ADD2: variants seen among roughly 807,000 people sequenced by gnomAD.
ADD2 encodes adducin 2.
ADD2 carries 23 observed loss-of-function variants against 83.0 expected under a neutral mutation model. The observed-to-expected ratio is 0.28, with a 90% CI of 0.20 to 0.39. ADD2 has a LOEUF of 0.39. Ranked by LOEUF, ADD2 falls within the 10% of genes least tolerant of loss-of-function variation. The probability of loss-of-function intolerance (pLI) is 1.00; values close to 1 mark genes in which losing one functional copy is unlikely to be tolerated. For synonymous variants in ADD2, 375 were observed against 375.4 expected (o/e 1.00, Z 0.01); for missense variants, 758 against 944.9 (o/e 0.80, Z 2.59).
chr2:70,745,803 G>C (rs1238250096), intron 1 of ADD2, among the ~76,000 whole-genome samples: 2 of 152,134 alleles, frequency 1.3e-5, no homozygotes, highest in East Asian at 3.9e-4. Context: ...GGTATCCAAG[G>C]ACAACAAAAG....
At chr2:70,762,597 T>C (rs1675172874) in intron 1 of ADD2, among the ~76,000 whole-genome samples, 1 of 149,794 alleles carries the variant, frequency 6.7e-6, no homozygotes, top group South Asian at 2.1e-4. Context: ...TTTATATATA[T>C]AATTACATAA....
At chr2:70,675,523 T>C in intron 13 of ADD2, 1 of 985,468 alleles carries the variant, frequency 1.0e-6, no homozygotes, top group East Asian at 1.1e-4. Context: ...GCTTCAGGAA[T>C]TCTTTGACCC....
At chr2:70,712,971 C>A (rs955080805) in intron 2 of ADD2, 95 bp downstream of exon 2, 7 of 347,822 alleles carry the variant, frequency 2.0e-5, no homozygotes, top group African/African-American at 1.6e-4. Flanking sequence ...GGAAGCTCAT[C>A]CTCATGCAAA....
At chr2:70,685,407 TC>T (rs1236515848) in intron 9 of ADD2, among the ~76,000 whole-genome samples, 2 of 152,086 alleles carry the variant, frequency 1.3e-5, no homozygotes, top group Non-Finnish European at 2.9e-5. Context: ...TCTACGCCCT[TC>T]TCGTCCAAGC....
chr2:70,757,681 C>T (rs1006190010), intron 1 of ADD2, among the ~76,000 whole-genome samples: 16 of 152,148 alleles, frequency 1.1e-4, no homozygotes, highest in African/African-American at 3.6e-4. Context: ...GAATCAAACC[C>T]GCCCTCACTT....
intron 1 of ADD2, among the ~76,000 whole-genome samples, chr2:70,742,205 A>T (rs1276090413): frequency 6.6e-6 from 1 of 152,246 alleles, no homozygotes; most frequent in Non-Finnish European, 1.5e-5. Flanking sequence ...TGCAGATTTA[A>T]GAACTACCCA....
chr2:70,683,480 C>A, intron 10 of ADD2, 111 bp downstream of exon 10: 1 of 1,186,372 alleles, frequency 8.4e-7, no homozygotes, highest in Non-Finnish European at 1.2e-6. Flanking sequence ...GCTTCAACAA[C>A]CTAGTTGTGA....
At chr2:70,717,775 G>A (rs1469829647) in intron 1 of ADD2, 1 of 152,302 alleles carries the variant, frequency 6.6e-6, no homozygotes, top group Non-Finnish European at 1.5e-5. Context: ...AGTTGAATAA[G>A]GGACTGGACC....
intron 1 of ADD2, among the ~76,000 whole-genome samples, chr2:70,715,969 T>G (rs1006195654): frequency 3.9e-5 from 6 of 152,232 alleles, no homozygotes; most frequent in Non-Finnish European, 8.8e-5. Flanking sequence ...GGCCCATGCC[T>G]GTCACTGCCC....
intron 1 of ADD2, among the ~76,000 whole-genome samples, chr2:70,735,242 G>T (rs1553379892): frequency 6.6e-6 from 1 of 152,022 alleles, no homozygotes; most frequent in Middle Eastern, 3.2e-3. Context: ...AGTGCCCTCT[G>T]AATGAAACCC....
At chr2:70,746,238 C>T (rs975122085) in intron 1 of ADD2, among the ~76,000 whole-genome samples, 8 of 152,176 alleles carry the variant, frequency 5.3e-5, no homozygotes, top group Non-Finnish European at 8.8e-5. Context: ...AATTAATAGG[C>T]CTCTTCTATG....
chr2:70,718,489 C>A (rs1672579909), intron 1 of ADD2, among the ~76,000 whole-genome samples: 3 of 152,172 alleles, frequency 2.0e-5, no homozygotes, highest in Non-Finnish European at 4.4e-5. Flanking sequence ...CTACAGGGCC[C>A]CAACAATGAA....
In ADD2 at chr2:70,663,699, G is replaced by C. The variant is rs782521167; in HGVS notation, c.1907C>G (p.Thr636Ser). The C allele has an allele frequency of 6.2e-7, 1 of 1,614,110 alleles. No individual in the cohort carries two copies. The highest frequency in any genetic ancestry group is 1.7e-5 in the Admixed American group (1 of 60,022). Residue 636 changes from threonine (T) to serine (S), a missense_variant, in exon 16 of 16, where the codon ACC becomes AGC. By Grantham distance (58) the Thr-to-Ser change is moderately conservative. Transcript: ENST00000264436. ...TKKTETSKAA[T>S]TEPETTQPEG... ...CGGCTGGGTTGTTTCGGGCTCTGTG[G>C]TGGCGGCTTTGCTTGTTTCTGTCTT...
At chr2:70,726,516 G>A (rs1673010681) in intron 1 of ADD2, among the ~76,000 whole-genome samples, 1 of 152,100 alleles carries the variant, frequency 6.6e-6, no homozygotes, top group African/African-American at 2.4e-5. Context: ...CTTTTTGCTA[G>A]GGGTGAGAAA....
At chr2:70,710,210 C>T (rs1249454910) in intron 2 of ADD2, among the ~76,000 whole-genome samples, 2 of 152,342 alleles carry the variant, frequency 1.3e-5, no homozygotes, top group East Asian at 3.9e-4. Flanking sequence ...GGACTCCAGG[C>T]TCTAAGCCAA....
Position 70,658,339 on chromosome 2 carries a change from C to T in ADD2, c.*5086G>A, listed in dbSNP as rs1191186094. ...CTCATTTATGACAGAAAGTGTGCCA[C>T]ATCTGAATAGGTTGGTTAGACGGGG... On this transcript the variant is annotated 3_prime_UTR_variant, in exon 16 of 16. Coordinates refer to ENST00000264436, the MANE Select transcript of ADD2 (RefSeq NM_001617.4). 2 of 152,180 alleles carry T rather than the reference C, an allele frequency of 1.3e-5. No homozygotes were observed. Among genetic ancestry groups the T allele is most frequent in the African/African-American group, 4.8e-5 (2 of 41,438 alleles). 9.4% of individuals were successfully genotyped at this position (152,180 alleles called of 1,614,324 possible).
chr2:70,752,441 A>G (rs557481470), intron 1 of ADD2, among the ~76,000 whole-genome samples: 49 of 152,348 alleles, frequency 3.2e-4, no homozygotes, highest in African/African-American at 1.1e-3. Flanking sequence ...ACTTATAAAT[A>G]TAAATATATG....
intron 2 of ADD2, among the ~76,000 whole-genome samples, chr2:70,712,309 T>C (rs527941077): frequency 6.6e-6 from 1 of 151,852 alleles, no homozygotes; most frequent in Admixed American, 6.6e-5. Flanking sequence ...GCGGGCATGG[T>C]GGTGTGCACC....
In ADD2 at chr2:70,659,111, C is replaced by G. The variant is rs1453683638; in HGVS notation, c.*4314G>C. ...AGTGAGCTAAGATTGCACCACTGCA[C>G]TCCAGCCTGGGCAACAAAGAGCAAA... On this transcript the variant is annotated 3_prime_UTR_variant, in exon 16 of 16. Transcript: ENST00000264436. The G allele has an allele frequency of 7.7e-6, 1 of 130,128 alleles. No individual in the cohort carries two copies. Among genetic ancestry groups the G allele is most frequent in the Non-Finnish European group, 1.6e-5 (1 of 64,416 alleles). 8.1% of individuals were successfully genotyped at this position (130,128 alleles called of 1,614,324 possible).
Sources: gnomAD v4.1 joint callset for allele counts (sites outside exome capture counted in the v4.1 genomes callset) on GRCh38, gnomAD v4.1.1 for gene constraint, MANE v1.5 for transcripts, NCBI Gene and HGNC (gene_info 2026-07-23, HGNC 2026-07-21) for gene names.